The following PCDH15 variants were observed in gnomAD, a reference collection of about 807,000 sequenced individuals.
PCDH15 encodes protocadherin-15.
In PCDH15, 129 loss-of-function variants were observed where a neutral mutation model predicts 178.5. The observed-to-expected ratio is 0.72, with a 90% CI of 0.63 to 0.84. The LOEUF is 0.84. Among genes scored for constraint, PCDH15 ranks in the 40% least tolerant of loss-of-function variants. The pLI is 0.00. For missense variants in PCDH15, 2,230 were observed against 2,099.9 expected, an observed-to-expected ratio of 1.06 and a Z score of -1.21; for synonymous variants, 800 against 732.0, an observed-to-expected ratio of 1.09 and a Z score of -1.50.
intron 23 of PCDH15, among the ~76,000 whole-genome samples, chr10:53,957,463 G>A (rs2087731022): frequency 1.3e-5 from 2 of 150,444 alleles, no homozygotes; most frequent in African/African-American, 4.9e-5. Flanking sequence ...TCCACTAGAA[G>A]CCTGGAACTT....
At chr10:54,428,200 A>G (rs903662994) in intron 3 of PCDH15, among the ~76,000 whole-genome samples, 9 of 152,140 alleles carry the variant, frequency 5.9e-5, no homozygotes, top group African/African-American at 1.9e-4. Flanking sequence ...AAAATGAACT[A>G]ACCTGCCCAA....
intron 3 of PCDH15, among the ~76,000 whole-genome samples, chr10:54,860,560 C>T (rs111572076): frequency 2.0e-5 from 3 of 152,260 alleles, no homozygotes; most frequent in African/African-American, 7.2e-5. Flanking sequence ...CTCTGATGGG[C>T]ACCTGGATTG....
intron 21 of PCDH15, among the ~76,000 whole-genome samples, chr10:53,990,051 G>A (rs1354649509): frequency 2.0e-5 from 3 of 152,102 alleles, no homozygotes; most frequent in Non-Finnish European, 4.4e-5. Flanking sequence ...CTGTTTGGAG[G>A]GTTAAGCATT....
At chr10:54,601,811 A>G (rs2092549107) in intron 2 of PCDH15, among the ~76,000 whole-genome samples, 1 of 152,050 alleles carries the variant, frequency 6.6e-6, no homozygotes, top group Non-Finnish European at 1.5e-5. Context: ...GAATGAGACC[A>G]TGTCCTTTGC....
At chr10:54,888,684 A>C (rs1374142293) in intron 3 of PCDH15, among the ~76,000 whole-genome samples, 1 of 151,592 alleles carries the variant, frequency 6.6e-6, no homozygotes, top group African/African-American at 2.4e-5. Context: ...GTGGTGGTAT[A>C]TCATTGTGGT....
chr10:55,126,575 T>C (rs1035248089), intron 2 of PCDH15, among the ~76,000 whole-genome samples: 5 of 152,024 alleles, frequency 3.3e-5, no homozygotes, highest in African/African-American at 1.2e-4. Flanking sequence ...TTGCAGACAG[T>C]TGACTCTGAA....
At chr10:54,608,167 T>C (rs959522162) in intron 2 of PCDH15, among the ~76,000 whole-genome samples, 10 of 151,832 alleles carry the variant, frequency 6.6e-5, no homozygotes, top group Admixed American at 5.9e-4. Context: ...ATGCAAACAC[T>C]TCGCTCAATA....
intron 1 of PCDH15, among the ~76,000 whole-genome samples, chr10:55,295,356 G>T (rs1019782819): frequency 2.0e-5 from 3 of 152,306 alleles, no homozygotes; most frequent in African/African-American, 7.2e-5. Context: ...TATGATTTCA[G>T]CCTTGCGCAC....
chr10:54,756,720 A>AAG (rs61202887), intron 1 of PCDH15, among the ~76,000 whole-genome samples: 36,758 of 150,620 alleles, frequency 0.24, 5,080 homozygotes, highest in East Asian at 0.47. Context: ...ATGTATGTGA[A>AAG]AGAGAGAGAG....
intron 8 of PCDH15, among the ~76,000 whole-genome samples, chr10:54,254,290 A>G (rs2056734129): frequency 6.6e-6 from 1 of 152,220 alleles, no homozygotes; most frequent in African/African-American, 2.4e-5. Context: ...AAGAAAATTT[A>G]GAAAACAGCA....
intron 26 of PCDH15, among the ~76,000 whole-genome samples, chr10:53,885,616 A>G (rs2081036907): frequency 6.6e-6 from 1 of 152,164 alleles, no homozygotes; most frequent in Non-Finnish European, 1.5e-5. Context: ...CAACAAGAAA[A>G]TTCTATGCAA....
intron 1 of PCDH15, among the ~76,000 whole-genome samples, chr10:54,706,318 C>A (rs1052659705): frequency 1.3e-5 from 2 of 152,038 alleles, no homozygotes; most frequent in African/African-American, 2.4e-5. Context: ...TATAACTCAA[C>A]CCTAGAAAAG....
chr10:55,139,257 T>G (rs2132086529), intron 2 of PCDH15, among the ~76,000 whole-genome samples: 1 of 152,190 alleles, frequency 6.6e-6, no homozygotes, highest in African/African-American at 2.4e-5. Context: ...TTTAATCCTC[T>G]TATCGAGGTA....
intron 35 of PCDH15, among the ~76,000 whole-genome samples, chr10:53,811,871 A>C (rs2075876030): frequency 6.6e-6 from 1 of 152,346 alleles, no homozygotes; most frequent in Non-Finnish European, 1.5e-5. Flanking sequence ...AGGAAAAAGT[A>C]ATTTTTTTCT....
At chr10:53,856,187 T>C (rs1447069363) in intron 28 of PCDH15, among the ~76,000 whole-genome samples, 1 of 151,192 alleles carries the variant, frequency 6.6e-6, no homozygotes, top group Non-Finnish European at 1.5e-5. Context: ...ACACTGCTTG[T>C]GTGCACCAAA....
intron 2 of PCDH15, among the ~76,000 whole-genome samples, chr10:55,325,666 C>A (rs1293283230): frequency 6.6e-6 from 1 of 151,926 alleles, no homozygotes; most frequent in African/African-American, 2.4e-5. Flanking sequence ...GATTTCATGC[C>A]AAAGACACCA....
At chr10:55,496,297 C>T (rs549969845) in intron 2 of PCDH15, among the ~76,000 whole-genome samples, 2 of 151,726 alleles carry the variant, frequency 1.3e-5, no homozygotes, top group African/African-American at 2.4e-5. Flanking sequence ...AGCACAAATG[C>T]GTGTGCGTGC....
chr10:54,547,499 G>T (rs1292157223), intron 2 of PCDH15, among the ~76,000 whole-genome samples: 1 of 152,084 alleles, frequency 6.6e-6, no homozygotes, highest in African/African-American at 2.4e-5. Context: ...CACTTTGATA[G>T]ACTTTTGCAA....
chr10:54,138,800 G>C (rs1437199172), intron 14 of PCDH15, among the ~76,000 whole-genome samples: 2 of 152,146 alleles, frequency 1.3e-5, no homozygotes, highest in African/African-American at 4.8e-5. Context: ...GTAAACCAGT[G>C]AGTTTCTATT....
Sources: gnomAD v4.1 joint callset for allele counts (sites outside exome capture counted in the v4.1 genomes callset) on GRCh38, gnomAD v4.1.1 for gene constraint, MANE v1.5 for transcripts, NCBI Gene and HGNC (gene_info 2026-07-23, HGNC 2026-07-21) for gene names.